Variants in PSD3 observed in about 807,000 individuals in gnomAD.
PSD3 encodes pleckstrin and Sec7 domain containing 3.
A neutral mutation model predicts 105.5 loss-of-function variants in PSD3; 49 were observed. The observed-to-expected ratio is 0.46, with a 90% CI of 0.37 to 0.59. The LOEUF (loss-of-function observed/expected upper bound fraction) is 0.59, where lower values mean the gene tolerates loss of function less well. PSD3 is among the 20% of genes least tolerant of loss of function. The pLI, the probability that PSD3 is intolerant of heterozygous loss-of-function variation, is 0.00. For synonymous variants in PSD3, 557 were observed against 457.8 expected, an observed-to-expected ratio of 1.22 and a Z score of -2.77; for missense variants, 1,561 against 1,263.8, an observed-to-expected ratio of 1.24 and a Z score of -3.57.
At chr8:18,686,776 G>A (rs1800684024) in intron 9 of PSD3, among the ~76,000 whole-genome samples, 1 of 152,142 alleles carries the variant, frequency 6.6e-6, no homozygotes, top group Middle Eastern at 3.2e-3. Flanking sequence ...GCCCATGCAT[G>A]GAAGGCAAGC....
chr8:18,707,903 C>G (rs1354562326), intron 9 of PSD3, among the ~76,000 whole-genome samples: 1 of 152,128 alleles, frequency 6.6e-6, no homozygotes. Context: ...AGTATGTGGC[C>G]AAGTAGGACA....
chr8:18,760,763 G>A (rs567602815), intron 9 of PSD3, among the ~76,000 whole-genome samples: 3 of 152,154 alleles, frequency 2.0e-5, no homozygotes, highest in South Asian at 4.2e-4. Flanking sequence ...GGTATCAGCC[G>A]CTGATAAGAC....
intron 1 of PSD3, among the ~76,000 whole-genome samples, chr8:18,944,576 AAAT>A (rs1822746385): frequency 3.3e-4 from 1 of 3,050 alleles, no homozygotes; most frequent in Non-Finnish European, 0.016. Context: ...ATCTCAAAAT[AAAT>A]AAATAAATAA....
chr8:18,560,204 AC>A (rs1463776059), intron 14 of PSD3, among the ~76,000 whole-genome samples: 66 of 151,964 alleles, frequency 4.3e-4, no homozygotes, highest in Non-Finnish European at 5.7e-4. Flanking sequence ...ACACACACAC[AC>A]ACACAAACAA....
At chr8:19,078,428 A>G (rs13250898) in intron 1 of PSD3, among the ~76,000 whole-genome samples, 36,005 of 151,984 alleles carry the variant, frequency 0.24, 5,123 homozygotes, top group African/African-American at 0.39. Flanking sequence ...TAATCTCAAA[A>G]TGTTAAATTG....
intron 1 of PSD3, among the ~76,000 whole-genome samples, chr8:18,998,103 T>C (rs1200374813): frequency 6.6e-6 from 1 of 151,966 alleles, no homozygotes; most frequent in Non-Finnish European, 1.5e-5. Context: ...GTTGAATGAA[T>C]GTATGAATGA....
At chr8:18,911,654 T>C (rs1199459837) in intron 2 of PSD3, among the ~76,000 whole-genome samples, 1 of 152,328 alleles carries the variant, frequency 6.6e-6, no homozygotes, top group South Asian at 2.1e-4. Context: ...CAATTTGGTG[T>C]GATAAAACAG....
chr8:18,984,475 T>C (rs1329678857), intron 1 of PSD3, among the ~76,000 whole-genome samples: 4 of 152,096 alleles, frequency 2.6e-5, no homozygotes, highest in African/African-American at 9.7e-5. Context: ...TAAACAGTAT[T>C]AAGTGCATAC....
At chr8:18,878,696 A>G (rs1221130347) in intron 2 of PSD3, among the ~76,000 whole-genome samples, 2 of 152,276 alleles carry the variant, frequency 1.3e-5, no homozygotes, top group African/African-American at 4.8e-5. Flanking sequence ...TCCTTAATTA[A>G]GCCTTCCCTT....
chr8:18,623,296 G>C (rs1806250175), intron 11 of PSD3, among the ~76,000 whole-genome samples: 1 of 151,384 alleles, frequency 6.6e-6, no homozygotes, highest in South Asian at 2.1e-4. Context: ...CATGCAATCA[G>C]ATGTTCTATT....
chr8:18,613,741 C>G (rs1450332232), intron 11 of PSD3, among the ~76,000 whole-genome samples: 1 of 152,142 alleles, frequency 6.6e-6, no homozygotes, highest in East Asian at 1.9e-4. Context: ...AAGCAGAATC[C>G]ATTCTCAGGG....
intron 1 of PSD3, among the ~76,000 whole-genome samples, chr8:18,971,409 A>G (rs1031661334): frequency 6.6e-6 from 1 of 152,160 alleles, no homozygotes; most frequent in Non-Finnish European, 1.5e-5. Context: ...GAATACTGTC[A>G]TGAGGACAAT....
intron 2 of PSD3, among the ~76,000 whole-genome samples, chr8:18,930,458 C>T (rs1186903557): frequency 6.6e-6 from 1 of 152,114 alleles, no homozygotes; most frequent in Non-Finnish European, 1.5e-5. Flanking sequence ...TGAACTTTCA[C>T]GTACAAGTCT....
chr8:18,997,233 C>T (rs1277086428), intron 1 of PSD3, among the ~76,000 whole-genome samples: 1 of 151,952 alleles, frequency 6.6e-6, no homozygotes, highest in East Asian at 1.9e-4. Flanking sequence ...CCAGACAGCT[C>T]CCTGACTGAG....
chr8:18,528,939 C>A lies in PSD3; in HGVS notation c.*6804G>T, dbSNP rs1482990063. 6.6e-6 allele frequency: 1 copy of A among 152,346 alleles called. No individual in the cohort carries two copies. The highest frequency in any genetic ancestry group is 1.5e-5 in the Non-Finnish European group (1 of 68,058). 9.4% of individuals were successfully genotyped at this position (152,346 alleles called of 1,614,324 possible). ...CGCTGTTGTTGCTGATGGAAAAGTG[C>A]TCAACTGCTCAGCATGTTCAGTCGG... On this transcript the variant is annotated 3_prime_UTR_variant, in exon 16 of 16. Coordinates refer to ENST00000327040, the MANE Select transcript of PSD3 (RefSeq NM_015310.4).
At chr8:18,861,128 A>G (rs894695464) in intron 4 of PSD3, among the ~76,000 whole-genome samples, 1 of 152,206 alleles carries the variant, frequency 6.6e-6, no homozygotes, top group South Asian at 2.1e-4. Context: ...GGAGGGCACA[A>G]GACCACCAGG....
At chr8:18,644,236 G>C (rs1585481358) in intron 10 of PSD3, among the ~76,000 whole-genome samples, 1 of 152,192 alleles carries the variant, frequency 6.6e-6, no homozygotes, top group African/African-American at 2.4e-5. Context: ...GTAAGGCCAG[G>C]CTGAACATTT....
chr8:18,608,370 T>A (rs1398037532), intron 11 of PSD3, among the ~76,000 whole-genome samples: 1 of 152,224 alleles, frequency 6.6e-6, no homozygotes, highest in African/African-American at 2.4e-5. Flanking sequence ...GGCTGCTTCC[T>A]GACCAGTATG....
intron 8 of PSD3, among the ~76,000 whole-genome samples, chr8:18,772,172 A>C (rs1382287808): frequency 1.3e-5 from 2 of 152,196 alleles, no homozygotes; most frequent in East Asian, 3.9e-4. Context: ...GTTAATGTGA[A>C]AAGTGTGGCT....
Sources: allele counts gnomAD v4.1 joint callset (sites outside exome capture counted in the v4.1 genomes callset), GRCh38; gene constraint gnomAD v4.1.1; transcripts MANE v1.5; gene names NCBI Gene and HGNC (gene_info 2026-07-23, HGNC 2026-07-21).